The following DAD1 variants were observed in gnomAD, a reference collection of about 807,000 sequenced individuals.
DAD1 encodes defender against cell death 1.
DAD1 carries 4 observed loss-of-function variants against 9.0 expected under a neutral mutation model. The observed-to-expected ratio is 0.44, with a 90% confidence interval of 0.22 to 1.01. The LOEUF (loss-of-function observed/expected upper bound fraction) is 1.01. Among genes scored for constraint, DAD1 ranks in the 50% least tolerant of loss-of-function variants. The pLI is 0.24. For missense variants in DAD1, 119 were observed against 137.3 expected, an observed-to-expected ratio of 0.87 and a Z score of 0.67; for synonymous variants, 60 against 62.5, an observed-to-expected ratio of 0.96 and a Z score of 0.19.
intron 1 of DAD1, among the ~76,000 whole-genome samples, chr14:22,579,674 T>C (rs1566373187): frequency 6.6e-6 from 1 of 152,082 alleles, no homozygotes; most frequent in Non-Finnish European, 1.5e-5. Flanking sequence ...TGAAAGTATG[T>C]TTGTAAAGTT....
intron 1 of DAD1, among the ~76,000 whole-genome samples, chr14:22,577,279 C>T (rs970326211): frequency 6.6e-6 from 1 of 152,038 alleles, no homozygotes; most frequent in Non-Finnish European, 1.5e-5. Flanking sequence ...ACTAAAAATA[C>T]AAAAATTAGC....
In DAD1 at chr14:22,571,324, A is replaced by AAG. The variant is rs1555305619; in HGVS notation, c.*44+3734_*44+3735insCT. On this transcript the variant is annotated intron_variant, in intron 2 of 2. Coordinates refer to ENST00000250498, the MANE Select transcript of DAD1 (RefSeq NM_001344.4). ...GTAAGACTCTGTCTCAAAAAAAAAAAAAAAAGAATTTCACAAAGAAACACA... is the reference window on the plus strand; with the variant it reads ...GTAAGACTCTGTCTCAAAAAAAAAAAAGAAAAAGAATTTCACAAAGAAACACA... 9.3e-4 allele frequency among the ~76,000 whole-genome samples: 141 copies of AAG among 151,716 alleles called. 1 individual carries two copies. The highest frequency in any genetic ancestry group is 3.1e-3 in the African/African-American group (126 of 41,308).
chr14:22,575,436 A>G (rs1225455033), intron 1 of DAD1, among the ~76,000 whole-genome samples: 1 of 152,264 alleles, frequency 6.6e-6, no homozygotes, highest in Admixed American at 6.5e-5. Flanking sequence ...TAAAATGGAT[A>G]AATTATAGCA....
intron 1 of DAD1, among the ~76,000 whole-genome samples, chr14:22,577,831 C>T (rs1183564862): frequency 2.0e-5 from 3 of 150,992 alleles, no homozygotes; most frequent in Non-Finnish European, 4.4e-5. Flanking sequence ...TTGCGGAAGA[C>T]AAAAAAGTTC....
chr14:22,586,135 G>T (rs1276180264), intron 1 of DAD1, among the ~76,000 whole-genome samples: 1 of 152,036 alleles, frequency 6.6e-6, no homozygotes, highest in Non-Finnish European at 1.5e-5. Context: ...GAACGCAGGA[G>T]GCGGAGCTTG....
chr14:22,574,784 TC>T (rs1477729064), intron 2 of DAD1, among the ~76,000 whole-genome samples: 2 of 151,846 alleles, frequency 1.3e-5, no homozygotes, highest in Non-Finnish European at 2.9e-5. Flanking sequence ...CGAGTTATTT[TC>T]GTGGAGTTAT....
chr14:22,571,940 G>C (rs1330282062), intron 2 of DAD1, among the ~76,000 whole-genome samples: 3 of 152,098 alleles, frequency 2.0e-5, no homozygotes, highest in Non-Finnish European at 2.9e-5. Flanking sequence ...ATCCTAGCCA[G>C]GCTCTCTCAA....
chr14:22,575,447 T>C (rs953812868), intron 1 of DAD1, among the ~76,000 whole-genome samples: 4 of 152,160 alleles, frequency 2.6e-5, no homozygotes, highest in Non-Finnish European at 5.9e-5. Context: ...AATTATAGCA[T>C]ATACAAACAA....
At chr14:22,588,813 C>T in intron 1 of DAD1, 134 bp downstream of exon 1, 1 of 883,456 alleles carries the variant, frequency 1.1e-6, no homozygotes, top group Non-Finnish European at 1.7e-6. Flanking sequence ...TCAATTTCCC[C>T]ATTCACAACA....
chr14:22,588,923 T>G (rs2139250759), intron 1 of DAD1, 24 bp downstream of exon 1: 1 of 1,609,916 alleles, frequency 6.2e-7, no homozygotes, highest in Non-Finnish European at 8.5e-7. Context: ...ACATTATTAT[T>G]ATGATCACTT....
chr14:22,578,524 G>A (rs1482082716), intron 1 of DAD1, among the ~76,000 whole-genome samples: 2 of 152,168 alleles, frequency 1.3e-5, no homozygotes, highest in Admixed American at 6.5e-5. Context: ...CCGAGATTGC[G>A]CCACTGCACT....
At chr14:22,582,427 G>A (rs1018331744) in intron 1 of DAD1, among the ~76,000 whole-genome samples, 31 of 151,398 alleles carry the variant, frequency 2.0e-4, no homozygotes, top group Admixed American at 1.8e-3. Flanking sequence ...GGGAGGCTGA[G>A]GCAGGAGAAT....
intron 1 of DAD1, among the ~76,000 whole-genome samples, chr14:22,583,535 T>C (rs1232776855): frequency 6.6e-6 from 1 of 152,146 alleles, no homozygotes; most frequent in African/African-American, 2.4e-5. Context: ...AGTAGGAACA[T>C]TAATTATTCT....
intron 1 of DAD1, among the ~76,000 whole-genome samples, chr14:22,576,200 T>C (rs536839538): frequency 2.6e-5 from 4 of 152,358 alleles, no homozygotes; most frequent in African/African-American, 9.6e-5. Context: ...TATTTAGGGA[T>C]AATGATTCAG....
At chr14:22,587,817 C>T (rs2037164577) in intron 1 of DAD1, among the ~76,000 whole-genome samples, 1 of 151,406 alleles carries the variant, frequency 6.6e-6, no homozygotes, top group African/African-American at 2.4e-5. Flanking sequence ...CGGCTCACTA[C>T]AACCTCCACC....
chr14:22,571,956 G>A (rs969557681), intron 2 of DAD1, among the ~76,000 whole-genome samples: 43 of 152,092 alleles, frequency 2.8e-4, no homozygotes, highest in African/African-American at 1.0e-3. Context: ...CTCAACTTCA[G>A]TTCCTCATCT....
Position 22,575,249 on chromosome 14 carries a change from A to C in DAD1, c.212-16T>G, listed in dbSNP as rs1439165277. 6 of 1,612,722 alleles carry C rather than the reference A, an allele frequency of 3.7e-6. No homozygotes were observed. In the South Asian group the frequency reaches 6.6e-5, roughly 18 times the overall value. ...CTCAGGCAAACTGCACAAGAAGCAA[A>C]ACACAAAAAAATGATTATATAGAAG... On this transcript the variant is annotated splice_polypyrimidine_tract_variant and intron_variant, in intron 1 of 2. Coordinates refer to ENST00000250498, the MANE Select transcript of DAD1 (RefSeq NM_001344.4).
At chr14:22,577,855 T>TG (rs5742777) in intron 1 of DAD1, among the ~76,000 whole-genome samples, 18,283 of 152,164 alleles carry the variant, frequency 0.12, 1,179 homozygotes, top group South Asian at 0.18. Context: ...ATATGGATAG[T>TG]GATGATGATT....
chr14:22,584,073 C>T (rs1317217869), intron 1 of DAD1, among the ~76,000 whole-genome samples: 1 of 152,024 alleles, frequency 6.6e-6, no homozygotes, highest in Non-Finnish European at 1.5e-5. Flanking sequence ...GCACCATATC[C>T]ATATTTACTT....
Sources: gnomAD v4.1 joint callset for allele counts (sites outside exome capture counted in the v4.1 genomes callset) on GRCh38, gnomAD v4.1.1 for gene constraint, MANE v1.5 for transcripts, NCBI Gene and HGNC (gene_info 2026-07-23, HGNC 2026-07-21) for gene names.